Variants in ZNF385D observed in about 807,000 individuals in gnomAD.
ZNF385D encodes the protein zinc finger protein 659.
In ZNF385D, 15 loss-of-function variants were observed where a neutral mutation model predicts 35.8. The observed-to-expected ratio is 0.42, with a 90% CI of 0.28 to 0.64. The LOEUF is 0.64. ZNF385D is among the 30% of genes least tolerant of loss of function. The pLI is 0.23. For missense variants in ZNF385D, 474 were observed against 494.6 expected, an observed-to-expected ratio of 0.96 and a Z score of 0.39; for synonymous variants, 212 against 186.8, an observed-to-expected ratio of 1.13 and a Z score of -1.10.
At position 21,937,688 on chromosome 3, in the gene ZNF385D, A is replaced by ATC. The variant is rs142237476; in HGVS notation, c.325+231127_325+231128dup. Among the ~76,000 whole-genome samples, 378 of 152,166 alleles carry ATC rather than the reference A, an allele frequency of 2.5e-3. 1 individual carries two copies. The highest frequency in any genetic ancestry group is 8.7e-3 in the African/African-American group (360 of 41,584). On this transcript the variant is annotated intron_variant, in intron 3 of 5. Coordinates refer to the ZNF385D transcript ENST00000494108. Reference sequence around the variant, plus strand: ...ATTTTCATGAAATTAAAGAAAAATTATCTGTTTCCCTACAGCTTGATGTGA... The same window carrying ATC: ...ATTTTCATGAAATTAAAGAAAAATTATCTCTGTTTCCCTACAGCTTGATGTGA...
intron 2 of ZNF385D, among the ~76,000 whole-genome samples, chr3:21,663,197 G>A (rs2066289277): frequency 6.6e-6 from 1 of 152,108 alleles, no homozygotes; most frequent in Non-Finnish European, 1.5e-5. Flanking sequence ...TTAAAGATGA[G>A]GAAATAGCAG....
intron 3 of ZNF385D, among the ~76,000 whole-genome samples, chr3:22,096,852 C>T (rs146296436): frequency 1.3e-5 from 2 of 152,180 alleles, no homozygotes; most frequent in African/African-American, 4.8e-5. Context: ...AGAAACTGTG[C>T]CTTTCCTCCT....
intron 3 of ZNF385D, among the ~76,000 whole-genome samples, chr3:21,968,205 G>A (rs1437692856): frequency 6.6e-6 from 1 of 152,150 alleles, no homozygotes; most frequent in East Asian, 1.9e-4. Flanking sequence ...CCACCACGGA[G>A]GGAGCATTTA....
At chr3:21,890,116 T>C (rs1386232393) in intron 3 of ZNF385D, among the ~76,000 whole-genome samples, 1 of 152,158 alleles carries the variant, frequency 6.6e-6, no homozygotes, top group Non-Finnish European at 1.5e-5. Flanking sequence ...CAAACATATA[T>C]ATATCTTTTT....
intron 3 of ZNF385D, among the ~76,000 whole-genome samples, chr3:22,089,902 G>T (rs189445029): frequency 6.6e-6 from 1 of 152,210 alleles, no homozygotes; most frequent in East Asian, 1.9e-4. Context: ...GCAGTGGCAT[G>T]ATCTTGGCTC....
At chr3:21,830,144 T>G (rs149616712) in intron 3 of ZNF385D, among the ~76,000 whole-genome samples, 197 of 152,208 alleles carry the variant, frequency 1.3e-3, no homozygotes, top group African/African-American at 4.3e-3. Context: ...AGAGGCATTT[T>G]AGAGTTATCT....
At position 22,358,975 on chromosome 3, in the gene ZNF385D, A is replaced by G. The variant is rs533732768; in HGVS notation, c.106+13475T>C. 2.0e-5 allele frequency among the ~76,000 whole-genome samples: 3 copies of G among 151,634 alleles called. No individual in the cohort carries two copies. The South Asian group carries it at 6.2e-4, about 32-fold the overall frequency. ...TGGTTACATAGCCAGGCCCAGTACC[A>G]AGGAAATTCAAGCAGATGATCCCTT... On this transcript the variant is annotated intron_variant, in intron 2 of 5. Transcript: ENST00000494108.
chr3:21,621,145 C>T (rs2064994732), intron 2 of ZNF385D, among the ~76,000 whole-genome samples: 1 of 152,142 alleles, frequency 6.6e-6, no homozygotes, highest in Non-Finnish European at 1.5e-5. Context: ...TAAAGCTGGA[C>T]TCCTTGCTGC....
intron 2 of ZNF385D, among the ~76,000 whole-genome samples, chr3:22,290,490 G>C (rs898424498): frequency 6.6e-6 from 1 of 152,166 alleles, no homozygotes; most frequent in African/African-American, 2.4e-5. Context: ...AAGGATCTCT[G>C]TCACTCAAAC....
intron 3 of ZNF385D, among the ~76,000 whole-genome samples, chr3:21,557,993 G>A (rs1028770360): frequency 1.2e-4 from 18 of 152,058 alleles, no homozygotes; most frequent in African/African-American, 3.4e-4. Flanking sequence ...GGGATCAGTG[G>A]TGATACCCCT....
At chr3:22,026,647 C>T (rs1259117412) in intron 3 of ZNF385D, among the ~76,000 whole-genome samples, 1 of 152,186 alleles carries the variant, frequency 6.6e-6, no homozygotes, top group Non-Finnish European at 1.5e-5. Flanking sequence ...TATTTAGCAG[C>T]TGGCAGAGTC....
At chr3:22,176,725 T>G (rs1398495064) in intron 2 of ZNF385D, among the ~76,000 whole-genome samples, 1 of 152,210 alleles carries the variant, frequency 6.6e-6, no homozygotes, top group Non-Finnish European at 1.5e-5. Context: ...AGAATTTCTA[T>G]TTTGAGTCCT....
intron 2 of ZNF385D, among the ~76,000 whole-genome samples, chr3:22,333,645 T>G (rs1179137242): frequency 1.3e-5 from 2 of 152,210 alleles, no homozygotes; most frequent in Non-Finnish European, 2.9e-5. Context: ...ATTTCTTTCC[T>G]AAGACTTTCT....
intron 3 of ZNF385D, among the ~76,000 whole-genome samples, chr3:21,770,403 G>A (rs897140435): frequency 8.6e-5 from 13 of 151,714 alleles, no homozygotes; most frequent in South Asian, 6.2e-4. Flanking sequence ...AAAAAAACAA[G>A]GAACCCCATC....
intron 3 of ZNF385D, among the ~76,000 whole-genome samples, chr3:22,079,206 T>C (rs1257996738): frequency 6.6e-6 from 1 of 151,982 alleles, no homozygotes; most frequent in African/African-American, 2.4e-5. Flanking sequence ...TGTAACATTT[T>C]CCCCATCATT....
intron 3 of ZNF385D, among the ~76,000 whole-genome samples, chr3:21,836,625 A>C (rs1406708715): frequency 6.6e-6 from 1 of 152,088 alleles, no homozygotes; most frequent in Admixed American, 6.6e-5. Flanking sequence ...CAGCCACTCA[A>C]CTCTACTATT....
At chr3:22,003,543 C>T (rs1478694938) in intron 3 of ZNF385D, among the ~76,000 whole-genome samples, 3 of 151,994 alleles carry the variant, frequency 2.0e-5, no homozygotes, top group African/African-American at 4.8e-5. Context: ...TTCAAAATAT[C>T]AATAATGTTT....
intron 3 of ZNF385D, among the ~76,000 whole-genome samples, chr3:21,797,262 T>C (rs141085602): frequency 3.3e-5 from 5 of 152,048 alleles, no homozygotes; most frequent in African/African-American, 1.2e-4. Flanking sequence ...ATCAGGAAAA[T>C]GCAAGTTAAA....
chr3:22,254,652 T>C (rs968125132), intron 2 of ZNF385D, among the ~76,000 whole-genome samples: 6 of 151,806 alleles, frequency 4.0e-5, no homozygotes, highest in African/African-American at 1.2e-4. Flanking sequence ...TTCCTATACA[T>C]ACATAACTAT....
Sources: allele counts gnomAD v4.1 joint callset (sites outside exome capture counted in the v4.1 genomes callset), GRCh38; gene constraint gnomAD v4.1.1; transcripts MANE v1.5; gene names NCBI Gene and HGNC (gene_info 2026-07-23, HGNC 2026-07-21).